The following LRFN5 variants were observed in gnomAD, a reference collection of about 807,000 sequenced individuals.
LRFN5 encodes leucine-rich repeat and fibronectin type-III domain-containing protein 5.
Under a neutral mutation model 45.6 loss-of-function variants are expected in LRFN5, and 24 were observed. The ratio of observed to expected loss-of-function variants is 0.53; its 90% CI spans 0.38 to 0.74. The LOEUF (loss-of-function observed/expected upper bound fraction) is 0.74. Among genes scored for constraint, LRFN5 ranks in the 30% least tolerant of loss-of-function variants. The probability of loss-of-function intolerance (pLI) is 0.00; values close to 1 mark genes in which losing one functional copy is unlikely to be tolerated. For synonymous variants in LRFN5, 340 were observed against 313.8 expected (o/e 1.08, Z -0.88); for missense variants, 776 against 861.5 (o/e 0.90, Z 1.24).
intron 1 of LRFN5, among the ~76,000 whole-genome samples, chr14:41,735,489 C>T (rs895025804): frequency 1.3e-5 from 2 of 152,124 alleles, no homozygotes; most frequent in African/African-American, 4.8e-5. Flanking sequence ...TCAGGCTGGT[C>T]ATAAACTCCT....
In LRFN5 at chr14:41,904,053, A is replaced by G. The variant is rs527988636; in HGVS notation, c.2143-105A>G. On this transcript the variant is annotated intron_variant, in intron 5 of 5. Coordinates refer to ENST00000298119, the MANE Select transcript of LRFN5 (RefSeq NM_152447.5). ...AAGCAACTCCTCCTTGGGTGCTTAC[A>G]TTTAGTTACTTTTAGATTGCTAGCA... 19 of 966,626 alleles carry G rather than the reference A, an allele frequency of 2.0e-5. No individual in the cohort carries two copies. In the South Asian group the frequency reaches 2.5e-4, roughly 13 times the overall value. The allele number at this position is 966,626 out of a possible 1,614,324, so 59.9% of individuals were successfully genotyped here.
chr14:41,712,374 C>T (rs915662732), intron 1 of LRFN5, among the ~76,000 whole-genome samples: 5 of 152,026 alleles, frequency 3.3e-5, no homozygotes, highest in African/African-American at 1.2e-4. Flanking sequence ...CCAGCTTAGG[C>T]AACCTAGTGA....
chr14:41,748,093 T>G (rs997203332), intron 1 of LRFN5, among the ~76,000 whole-genome samples: 5 of 152,106 alleles, frequency 3.3e-5, no homozygotes, highest in Non-Finnish European at 7.4e-5. Context: ...TGAAAGTGGT[T>G]CATTTGCCTG....
intron 2 of LRFN5, among the ~76,000 whole-genome samples, chr14:41,882,397 C>CTGATAGCTCT (rs1890411299): frequency 2.6e-5 from 4 of 152,280 alleles, no homozygotes; most frequent in African/African-American, 9.6e-5. Context: ...CTCTCCCTCC[C>CTGATAGCTCT]CTCTGTCAGT....
intron 4 of LRFN5, chr14:41,893,047 G>T (rs1890835109): frequency 1.0e-6 from 1 of 984,184 alleles, no homozygotes; most frequent in African/African-American, 1.8e-5. Context: ...AAAAGTCATT[G>T]CTCATTAAGC....
intron 1 of LRFN5, among the ~76,000 whole-genome samples, chr14:41,633,569 T>C (rs1264390363): frequency 3.3e-5 from 5 of 152,170 alleles, no homozygotes; most frequent in Admixed American, 3.3e-4. Flanking sequence ...ACAGACTTGA[T>C]GTCAGTGCCT....
chr14:41,643,794 C>T (rs1295879358), intron 1 of LRFN5, among the ~76,000 whole-genome samples: 2 of 152,054 alleles, frequency 1.3e-5, no homozygotes, highest in Non-Finnish European at 2.9e-5. Context: ...GCTTTAAACA[C>T]TCTGATTTTC....
chr14:41,828,187 T>G (rs995445351), intron 2 of LRFN5, among the ~76,000 whole-genome samples: 17 of 152,022 alleles, frequency 1.1e-4, no homozygotes, highest in Admixed American at 4.6e-4. Context: ...GAAGAAAACC[T>G]TTCAAACTCA....
At chr14:41,791,278 T>C (rs1426268831) in intron 2 of LRFN5, among the ~76,000 whole-genome samples, 1 of 151,962 alleles carries the variant, frequency 6.6e-6, no homozygotes, top group African/African-American at 2.4e-5. Flanking sequence ...ACATCAACAA[T>C]AACCTGGAGG....
At chr14:41,753,430 C>G (rs557261249) in intron 1 of LRFN5, among the ~76,000 whole-genome samples, 92 of 152,208 alleles carry the variant, frequency 6.0e-4, no homozygotes, top group African/African-American at 2.1e-3. Flanking sequence ...TTTGTATCCT[C>G]TTTTATTTCA....
chr14:41,727,340 C>T (rs1180762402), intron 1 of LRFN5, among the ~76,000 whole-genome samples: 1 of 152,048 alleles, frequency 6.6e-6, no homozygotes, highest in Non-Finnish European at 1.5e-5. Flanking sequence ...CTCATGGCTC[C>T]AAGTTGTAAT....
intron 1 of LRFN5, among the ~76,000 whole-genome samples, chr14:41,679,567 C>A (rs991961813): frequency 6.6e-6 from 1 of 152,094 alleles, no homozygotes; most frequent in Non-Finnish European, 1.5e-5. Flanking sequence ...TCATCACCTG[C>A]TGACTAAAGA....
chr14:41,649,831 T>A (rs1880009097), intron 1 of LRFN5, among the ~76,000 whole-genome samples: 1 of 152,158 alleles, frequency 6.6e-6, no homozygotes, highest in Admixed American at 6.5e-5. Flanking sequence ...GACCCTGCTG[T>A]ATTTGGAGTA....
At chr14:41,756,571 G>C (rs1185365668) in intron 1 of LRFN5, among the ~76,000 whole-genome samples, 1 of 151,962 alleles carries the variant, frequency 6.6e-6, no homozygotes, top group Non-Finnish European at 1.5e-5. Flanking sequence ...CTTGTGCATT[G>C]GTCCCGTAGT....
At chr14:41,637,700 G>T (rs1879373435) in intron 1 of LRFN5, among the ~76,000 whole-genome samples, 1 of 152,138 alleles carries the variant, frequency 6.6e-6, no homozygotes, top group South Asian at 2.1e-4. Context: ...GTTGCTTATA[G>T]ATAAGTGAAT....
chr14:41,875,927 C>A (rs1890169703), intron 2 of LRFN5, among the ~76,000 whole-genome samples: 1 of 152,174 alleles, frequency 6.6e-6, no homozygotes, highest in Non-Finnish European at 1.5e-5. Flanking sequence ...ACGTATTTAA[C>A]CAGCTGGCCT....
At chr14:41,895,725 C>T (rs564763869) in intron 4 of LRFN5, among the ~76,000 whole-genome samples, 2 of 150,452 alleles carry the variant, frequency 1.3e-5, no homozygotes, top group African/African-American at 4.9e-5. Flanking sequence ...TTTTCCTAAC[C>T]ATTAAAGGAG....
At chr14:41,771,800 GA>G (rs1268630372) in intron 2 of LRFN5, among the ~76,000 whole-genome samples, 15 of 152,086 alleles carry the variant, frequency 9.9e-5, no homozygotes, top group Non-Finnish European at 5.9e-5. Flanking sequence ...TCTGTCTTCT[GA>G]GATCTCCAAA....
At chr14:41,871,570 C>T (rs1890020444) in intron 2 of LRFN5, among the ~76,000 whole-genome samples, 1 of 140,884 alleles carries the variant, frequency 7.1e-6, no homozygotes, top group Non-Finnish European at 1.5e-5. Context: ...TCCTAGGCAA[C>T]AAGAGCAAAA....
Sources: gnomAD v4.1 joint callset for allele counts (sites outside exome capture counted in the v4.1 genomes callset) on GRCh38, gnomAD v4.1.1 for gene constraint, MANE v1.5 for transcripts, NCBI Gene and HGNC (gene_info 2026-07-23, HGNC 2026-07-21) for gene names.